The following ENPP2 variants were observed in gnomAD, a reference collection of about 807,000 sequenced individuals.
The protein encoded by ENPP2 is autotaxin.
Under a neutral mutation model 120.2 loss-of-function variants are expected in ENPP2, and 51 were observed. That is an observed-to-expected ratio of 0.42 (90% confidence interval 0.34 to 0.54). ENPP2 has a LOEUF of 0.54. ENPP2 is among the 20% of genes least tolerant of loss of function. The pLI is 0.04. For synonymous variants in ENPP2, 365 were observed against 366.4 expected, an observed-to-expected ratio of 1.00 and a Z score of 0.04; for missense variants, 920 against 1,066.5, an observed-to-expected ratio of 0.86 and a Z score of 1.91.
At chr8:119,595,836 G>C (rs1340298653) in intron 11 of ENPP2, 3 of 1,613,546 alleles carry the variant, frequency 1.9e-6, no homozygotes, top group Non-Finnish European at 2.5e-6. Context: ...TGGAACAATA[G>C]ATAAACTTAC....
intron 2 of ENPP2, 24 bp from the exon 3 acceptor site, chr8:119,626,744 C>G: frequency 6.2e-7 from 1 of 1,612,212 alleles, no homozygotes; most frequent in South Asian, 1.1e-5. Context: ...GAGGCAAAAA[C>G]AATGGACTGG....
intron 4 of ENPP2, 108 bp downstream of exon 4, chr8:119,621,286 C>T (rs1815875896): frequency 1.1e-6 from 1 of 932,014 alleles, no homozygotes; most frequent in Non-Finnish European, 1.7e-6. Context: ...TTCATTCCTT[C>T]CTCCCAAACT....
intron 11 of ENPP2, among the ~76,000 whole-genome samples, chr8:119,594,598 CA>C (rs926694855): frequency 7.9e-5 from 12 of 152,128 alleles, no homozygotes; most frequent in Non-Finnish European, 1.2e-4. Flanking sequence ...AAACATTACC[CA>C]TATCTCATTT....
chr8:119,568,151 G>A, intron 22 of ENPP2, 24 bp downstream of exon 22: 1 of 1,175,972 alleles, frequency 8.5e-7, no homozygotes, highest in South Asian at 1.2e-5. Flanking sequence ...AAATAACAGT[G>A]TATTAGGTAA....
intron 11 of ENPP2, chr8:119,595,791 C>T: frequency 6.4e-7 from 1 of 1,568,200 alleles, no homozygotes; most frequent in Non-Finnish European, 8.7e-7. Flanking sequence ...GCACTGAAGG[C>T]AACCTTCAAC....
At chr8:119,579,133 T>TAGG (rs1462275085) in intron 19 of ENPP2, among the ~76,000 whole-genome samples, 46 of 152,338 alleles carry the variant, frequency 3.0e-4, no homozygotes, top group African/African-American at 1.1e-3. Flanking sequence ...GTAACATGTA[T>TAGG]AGGAGGCTTC....
chr8:119,631,345 T>C (rs1268406205), intron 2 of ENPP2, among the ~76,000 whole-genome samples: 3 of 150,234 alleles, frequency 2.0e-5, no homozygotes, highest in Admixed American at 6.7e-5. Flanking sequence ...GCCTCCTGAG[T>C]AGCTGGGACT....
intron 16 of ENPP2, 40 bp downstream of exon 16, chr8:119,583,922 C>T: frequency 1.3e-6 from 2 of 1,515,010 alleles, no homozygotes; most frequent in African/African-American, 1.4e-5. Context: ...TTCGAAGAAC[C>T]ACTAAAACAC....
intron 3 of ENPP2, among the ~76,000 whole-genome samples, chr8:119,623,975 ATTAAGTGCT>A (rs1160017605): frequency 6.6e-6 from 1 of 151,964 alleles, no homozygotes; most frequent in African/African-American, 2.4e-5. Context: ...TCTCGAGGAG[ATTAAGTGCT>A]TAGAATTGCT....
In ENPP2 at chr8:119,606,796, T is replaced by C. The variant is rs191090454; in HGVS notation, c.833+1126A>G. Reference sequence around the variant, plus strand: ...AGTAGCTCTCAGCACACTGCTATTATAGAATAGTCAGATTTTTGTTAGGCA... The same window carrying C: ...AGTAGCTCTCAGCACACTGCTATTACAGAATAGTCAGATTTTTGTTAGGCA... On this transcript the variant is annotated intron_variant, in intron 9 of 24. Coordinates refer to ENST00000075322, the MANE Select transcript of ENPP2 (RefSeq NM_001040092.3). 6.8e-3 allele frequency among the ~76,000 whole-genome samples: 1,028 copies of C among 151,450 alleles called. 6 individuals carry two copies. The highest frequency in any genetic ancestry group is 0.027 in the South Asian group (127 of 4,784).
In ENPP2 at chr8:119,584,001, C is replaced by T. The variant is rs778452030; in HGVS notation, c.1416G>A (p.Gln472=). ...YKKPSGKCFF[Q]GDHGFDNKVN... ...CCTTGTTATCAAATCCGTGGTCTCCCTGGAAAAAGCATTTTCCTGATGGTT... is the reference window on the plus strand; with the variant it reads ...CCTTGTTATCAAATCCGTGGTCTCCTTGGAAAAAGCATTTTCCTGATGGTT... The change falls in exon 16 of 25, where the codon CAG becomes CAA. Residue 472 remains glutamine, a synonymous_variant. Transcript: ENST00000075322. 1.2e-6 allele frequency: 2 copies of T among 1,613,802 alleles called. No individual in the cohort carries two copies. The highest frequency in any genetic ancestry group is 1.1e-5 in the South Asian group (1 of 91,068).
chr8:119,635,686 T>A (rs969430974), intron 2 of ENPP2, among the ~76,000 whole-genome samples: 1 of 152,228 alleles, frequency 6.6e-6, no homozygotes, highest in Non-Finnish European at 1.5e-5. Flanking sequence ...CCCATTGTAT[T>A]TACCCAACAG....
At chr8:119,558,160 G>T (rs1382157122) in intron 24 of ENPP2, among the ~76,000 whole-genome samples, 1 of 152,178 alleles carries the variant, frequency 6.6e-6, no homozygotes, top group Non-Finnish European at 1.5e-5. Context: ...TTTTTCAAAA[G>T]AAACTGCTGC....
chr8:119,585,363 C>T (rs1230361142), intron 15 of ENPP2, among the ~76,000 whole-genome samples: 1 of 152,090 alleles, frequency 6.6e-6, no homozygotes, highest in Non-Finnish European at 1.5e-5. Flanking sequence ...TCTAAACATC[C>T]CATACTGATA....
chr8:119,657,328 C>T (rs1817794993), intron 1 of ENPP2, among the ~76,000 whole-genome samples: 1 of 152,200 alleles, frequency 6.6e-6, no homozygotes, highest in African/African-American at 2.4e-5. Flanking sequence ...ACCCAGTCTG[C>T]ATCGTTCAAA....
intron 19 of ENPP2, among the ~76,000 whole-genome samples, chr8:119,577,583 A>C (rs1812428714): frequency 1.3e-5 from 2 of 152,270 alleles, no homozygotes; most frequent in African/African-American, 4.8e-5. Context: ...CATCTAAGCA[A>C]GGAAATGCAT....
chr8:119,565,360 A>T (rs1814331177), intron 22 of ENPP2, among the ~76,000 whole-genome samples: 1 of 152,174 alleles, frequency 6.6e-6, no homozygotes, highest in African/African-American at 2.4e-5. Flanking sequence ...CGTCCTTCAT[A>T]TCTCATCAAT....
intron 1 of ENPP2, among the ~76,000 whole-genome samples, chr8:119,669,269 CTAG>C (rs1306114240): frequency 1.3e-5 from 2 of 152,262 alleles, no homozygotes; most frequent in South Asian, 2.1e-4. Context: ...CTTTTCTAAT[CTAG>C]AAGAAGATCA....
chr8:119,660,818 A>T (rs1817898938), intron 1 of ENPP2, among the ~76,000 whole-genome samples: 1 of 152,206 alleles, frequency 6.6e-6, no homozygotes, highest in African/African-American at 2.4e-5. Context: ...GAAAGTGGTC[A>T]TGAACTGTAT....
Sources: gnomAD v4.1 joint callset for allele counts (sites outside exome capture counted in the v4.1 genomes callset) on GRCh38, gnomAD v4.1.1 for gene constraint, MANE v1.5 for transcripts, NCBI Gene and HGNC (gene_info 2026-07-23, HGNC 2026-07-21) for gene names.